The following TBRG4 variants were observed in gnomAD, a reference collection of about 807,000 sequenced individuals.
TBRG4 encodes the protein transforming growth factor beta regulator 4.
A neutral mutation model predicts 65.6 loss-of-function variants in TBRG4; 43 were observed. The observed-to-expected ratio is 0.66, with a 90% CI of 0.51 to 0.85. The LOEUF (loss-of-function observed/expected upper bound fraction) is 0.85. TBRG4 is among the 40% of genes least tolerant of loss of function. The pLI, the probability that TBRG4 is intolerant of heterozygous loss-of-function variation, is 0.00. For synonymous variants in TBRG4, 366 were observed against 341.4 expected (o/e 1.07, Z -0.79); for missense variants, 709 against 787.9 (o/e 0.90, Z 1.20).
In TBRG4 at chr7:45,100,388, C is replaced by T; in HGVS notation, c.1833G>A (p.Trp611Ter). The T allele has an allele frequency of 1.2e-6, 2 of 1,614,192 alleles. No homozygotes were observed. Among genetic ancestry groups the T allele is most frequent in the Non-Finnish European group, 1.7e-6 (2 of 1,180,034 alleles). ...FYEWLELKSE[W>*]QKGAYLKDKM... ...TGTCCTTGAGGTAGGCGCCTTTCTG[C>T]CATTCAGACTTGAGTTCCAGCCACT... Residue 611 changes from tryptophan to a stop codon, truncating the protein, a stop_gained, in exon 11 of 11, where the codon TGG (tryptophan) becomes TGA (stop). Coordinates refer to ENST00000258770, the MANE Select transcript of TBRG4 (RefSeq NM_004749.4). LOFTEE classifies it high-confidence loss of function.
At position 45,104,698 on chromosome 7, in the gene TBRG4, C is replaced by G; in HGVS notation, c.747G>C (p.Leu249Phe). 1 of 1,613,720 alleles carries G rather than the reference C, an allele frequency of 6.2e-7. No individual in the cohort carries two copies. The highest frequency in any genetic ancestry group is 8.5e-7 in the Non-Finnish European group (1 of 1,179,930). The change falls in exon 4 of 11, where the codon TTG (leucine) becomes TTC (phenylalanine). Residue 249 changes from leucine to phenylalanine, a missense_variant. Transcript: ENST00000258770. ...GCTCATTGGGGCCAAAGTGCTCCACCAACTCCAGGCACTGTCAACCACAGC... is the reference window on the plus strand; with the variant it reads ...GCTCATTGGGGCCAAAGTGCTCCACGAACTCCAGGCACTGTCAACCACAGC... ...MNRLEDKCLE[L>F]VEHFGPNELR...
intron 5 of TBRG4, chr7:45,103,677 T>G (rs1416996207): frequency 3.4e-5 from 19 of 562,292 alleles, no homozygotes; most frequent in Non-Finnish European, 6.0e-5. Context: ...GCTGCTTCTT[T>G]CTGATAAGGG....
chr7:45,109,347 T>G, intron 1 of TBRG4, 60 bp from the exon 2 acceptor site: 1 of 1,384,750 alleles, frequency 7.2e-7, no homozygotes, highest in Non-Finnish European at 9.5e-7. Context: ...CTCACAAACT[T>G]GAGAAATGAA....
In TBRG4 at chr7:45,105,472, G is replaced by C. The variant is rs778788135; in HGVS notation, c.704C>G (p.Ser235Trp). 14 of 1,611,758 alleles carry C rather than the reference G, an allele frequency of 8.7e-6. No individual in the cohort carries two copies. The East Asian group carries it at 3.1e-4, about 36-fold the overall frequency. ...TTCCAGGCGGTTCATTAGTGGCTCC[G>C]AGAGGTGTCCCACCTTCATCATGAC... ...VTVMMKVGHL[S>W]EPLMNRLEDK... The change falls in exon 3 of 11, where the codon TCG (serine) becomes TGG (tryptophan). Residue 235 changes from serine to tryptophan, a missense_variant. Physicochemically the swap from Ser to Trp is radical, Grantham distance 177 (BLOSUM62 -3). Transcript: ENST00000258770.
At chr7:45,103,006 A>G (rs1385791784) in intron 6 of TBRG4, 3 of 407,676 alleles carry the variant, frequency 7.4e-6, no homozygotes, top group African/African-American at 4.0e-5. Context: ...GTCTTCATAA[A>G]GAAGGCTCCC....
chr7:45,107,801 A>C (rs1785007021), intron 2 of TBRG4: 1 of 154,080 alleles, frequency 6.5e-6, no homozygotes, highest in Non-Finnish European at 1.5e-5. Context: ...GTGAGTAAAA[A>C]GAGTCAATAA....
intron 1 of TBRG4, among the ~76,000 whole-genome samples, chr7:45,109,943 C>T (rs551283269): frequency 7.1e-6 from 1 of 141,094 alleles, no homozygotes; most frequent in African/African-American, 2.7e-5. Context: ...CACCACTGGA[C>T]TCCAGCCTGG....
Position 45,102,068 on chromosome 7 carries a change from C to A in TBRG4, c.1324G>T (p.Gly442Cys). 1 of 1,568,520 alleles carries A rather than the reference C, an allele frequency of 6.4e-7. No individual in the cohort carries two copies. Among genetic ancestry groups the A allele is most frequent in the Non-Finnish European group, 8.6e-7 (1 of 1,164,534 alleles). ...HPEFHIQFLGGKSQKDQNTFQ... is the reference protein window; with the variant it reads ...HPEFHIQFLGCKSQKDQNTFQ... ...GTGTTCTGATCCTTCTGAGACTTGC[C>A]CCCTAGGAGACAAGGAGAAAGAAGA... is the stretch of plus-strand genomic sequence containing the variant. Residue 442 changes from glycine (G) to cysteine (C), a missense_variant and splice_region_variant, in exon 8 of 11, where the codon GGC (glycine) becomes TGC (cysteine). Transcript: ENST00000258770.
intron 7 of TBRG4, 114 bp from the exon 8 acceptor site, chr7:45,102,184 G>A: frequency 6.5e-7 from 1 of 1,532,496 alleles, no homozygotes; most frequent in South Asian, 1.3e-5. Flanking sequence ...TCTGGGTCAG[G>A]AGGCAGCAGA....
chr7:45,105,082 T>A (rs779401629), intron 3 of TBRG4: 11 of 682,858 alleles, frequency 1.6e-5, no homozygotes, highest in Non-Finnish European at 2.7e-5. Flanking sequence ...TCCAGGAGAG[T>A]TCTAGCCAGA....
Position 45,101,388 on chromosome 7 carries a change from G to A in TBRG4, c.1680-16C>T. 1 of 1,613,250 alleles carries A rather than the reference G, an allele frequency of 6.2e-7. No homozygotes were observed. The highest frequency in any genetic ancestry group is 8.5e-7 in the Non-Finnish European group (1 of 1,179,414). On this transcript the variant is annotated splice_polypyrimidine_tract_variant and intron_variant, in intron 9 of 10. Transcript: ENST00000258770. ...GAACGCTAGCCTGGAAGGAAGAAGA[G>A]GTGGCTGACATGCTTCCACTCTCCC...
intron 2 of TBRG4, 50 bp downstream of exon 2, chr7:45,108,777 C>G (rs1785032680): frequency 6.9e-7 from 1 of 1,457,868 alleles, no homozygotes; most frequent in African/African-American, 1.4e-5. Context: ...CCCAGCATTT[C>G]TGGCTGTTTT....
At chr7:45,110,519 TA>T (rs1337396752) in intron 1 of TBRG4, among the ~76,000 whole-genome samples, 4 of 151,438 alleles carry the variant, frequency 2.6e-5, no homozygotes, top group Non-Finnish European at 5.9e-5. Context: ...ACAAAAAAAT[TA>T]GCCGGGCGTG....
intron 1 of TBRG4, among the ~76,000 whole-genome samples, 162 bp from the exon 2 acceptor site, chr7:45,109,449 C>T (rs1168317351): frequency 6.6e-6 from 1 of 152,178 alleles, no homozygotes; most frequent in Non-Finnish European, 1.5e-5. Context: ...AAAAGTCTCA[C>T]AGGATTTTTG....
At chr7:45,110,831 TTA>T (rs1785104918) in intron 1 of TBRG4, 1 of 151,972 alleles carries the variant, frequency 6.6e-6, no homozygotes, top group Non-Finnish European at 1.5e-5. Context: ...CATTTTCTTT[TTA>T]TATGAGGGGA....
In TBRG4 at chr7:45,103,452, G is replaced by A. The variant is rs1288710015; in HGVS notation, c.1066-9C>T. On this transcript the variant is annotated splice_polypyrimidine_tract_variant and intron_variant, in intron 5 of 10. Transcript: ENST00000258770. ...GCTCTGTTCAGGACGTGCTGGGTGG[G>A]TCAGAAATAGCAGAGGGACAGAATA... The A allele has an allele frequency of 3.7e-6, 6 of 1,604,460 alleles. No individual in the cohort carries two copies. In the African/African-American group the frequency reaches 4.0e-5, roughly 11 times the overall value.
intron 4 of TBRG4, 121 bp from the exon 5 acceptor site, chr7:45,104,377 G>T: frequency 2.6e-6 from 4 of 1,567,712 alleles, no homozygotes; most frequent in Non-Finnish European, 2.6e-6. Context: ...TTATCCCTGA[G>T]CCTGGGACAC....
chr7:45,101,812 G>A lies in TBRG4; in HGVS notation c.1567+13C>T, dbSNP rs77030939. The A allele has an allele frequency of 4.8e-4, 767 of 1,603,198 alleles. 7 individuals carry two copies. In the African/African-American group the frequency reaches 9.4e-3, roughly 20 times the overall value. On this transcript the variant is annotated intron_variant, in intron 8 of 10. Transcript: ENST00000258770. ...CAATGCCAGGCCCTGTGCCAACCAG[G>A]GGGAGCCCTCACCCAGCACCCAGCC...
At chr7:45,109,719 G>A (rs1365014795) in intron 1 of TBRG4, among the ~76,000 whole-genome samples, 3 of 152,134 alleles carry the variant, frequency 2.0e-5, no homozygotes, top group African/African-American at 7.2e-5. Context: ...GCTCACGCCT[G>A]TAATCCCAGC....
Sources: allele counts gnomAD v4.1 joint callset (sites outside exome capture counted in the v4.1 genomes callset), GRCh38; gene constraint gnomAD v4.1.1; transcripts MANE v1.5; gene names NCBI Gene and HGNC (gene_info 2026-07-23, HGNC 2026-07-21).